CDH13: variants seen among roughly 807,000 people sequenced by gnomAD.
The protein encoded by CDH13 is cadherin 13, also known as cadherin-13.
In CDH13, 24 loss-of-function variants were observed where a neutral mutation model predicts 63.8. The ratio of observed to expected loss-of-function variants is 0.38; its 90% CI spans 0.27 to 0.53. The LOEUF (loss-of-function observed/expected upper bound fraction) is 0.53, where lower values mean the gene tolerates loss of function less well. Ranked by LOEUF, CDH13 falls within the 20% of genes least tolerant of loss-of-function variation. CDH13 has a pLI of 0.85. For missense variants in CDH13, 1,049 were observed against 903.1 expected (o/e 1.16, Z -2.07); for synonymous variants, 503 against 355.3 (o/e 1.42, Z -4.67).
At chr16:83,277,284 G>T (rs1422411009) in intron 5 of CDH13, among the ~76,000 whole-genome samples, 1 of 152,034 alleles carries the variant, frequency 6.6e-6, no homozygotes, top group Non-Finnish European at 1.5e-5. Flanking sequence ...ACCTTCTCAG[G>T]GCAGGCTGAA....
intron 11 of CDH13, among the ~76,000 whole-genome samples, chr16:83,774,959 A>G (rs576775358): frequency 1.3e-5 from 2 of 152,156 alleles, no homozygotes; most frequent in South Asian, 4.1e-4. Context: ...ATATTTCACC[A>G]CAATGAAAAG....
At position 82,839,442 on chromosome 16, in the gene CDH13, T is replaced by C. The variant is rs79386151; in HGVS notation, c.46-18920T>C. On this transcript the variant is annotated intron_variant, in intron 1 of 13. Transcript: ENST00000567109. ...CATCAATTTCCTGCTGGGATTAAGA[T>C]ACCTGGCAGTGCAGGGTTTCCTGGG... Among the ~76,000 whole-genome samples the C allele has an allele frequency of 1.5e-3, 226 of 152,300 alleles. 2 individuals carry two copies. The East Asian group carries it at 0.025, about 17-fold the overall frequency.
chr16:82,961,618 C>T (rs1907021627), intron 2 of CDH13, among the ~76,000 whole-genome samples: 1 of 150,414 alleles, frequency 6.6e-6, no homozygotes, highest in South Asian at 2.1e-4. Context: ...TGGGCCTTAC[C>T]CCAGACTAAC....
intron 1 of CDH13, among the ~76,000 whole-genome samples, chr16:82,655,304 A>T (rs1438980645): frequency 6.6e-6 from 1 of 152,200 alleles, no homozygotes; most frequent in Non-Finnish European, 1.5e-5. Flanking sequence ...TAAAAGGGTA[A>T]AGTGTGACGA....
chr16:83,339,720 C>G (rs920056323), intron 5 of CDH13, among the ~76,000 whole-genome samples: 2 of 152,264 alleles, frequency 1.3e-5, no homozygotes, highest in South Asian at 4.1e-4. Flanking sequence ...CCACCTCCAG[C>G]AATTCTCCCC....
intron 1 of CDH13, among the ~76,000 whole-genome samples, chr16:82,772,560 A>C (rs1033425285): frequency 3.3e-5 from 5 of 152,200 alleles, no homozygotes; most frequent in African/African-American, 1.2e-4. Flanking sequence ...GCAGAAAAAA[A>C]CCTAGAAATA....
At chr16:82,893,057 C>G (rs1373022147) in intron 2 of CDH13, among the ~76,000 whole-genome samples, 2 of 152,188 alleles carry the variant, frequency 1.3e-5, no homozygotes, top group African/African-American at 4.8e-5. Context: ...AAGATGAGGT[C>G]AGACATCAAA....
chr16:83,436,303 A>G (rs1259067841), intron 6 of CDH13, among the ~76,000 whole-genome samples: 1 of 152,160 alleles, frequency 6.6e-6, no homozygotes, highest in African/African-American at 2.4e-5. Flanking sequence ...GGAGCTTATA[A>G]TAATGCTTAT....
chr16:83,174,044 TG>T lies in CDH13; in HGVS notation c.484-43297del, dbSNP rs550736276. Reference sequence around the variant, plus strand: ...ACTCGAGGGAAAGGAGAGGGACTTATGGGGAACAGATGCAGATAAAACCCAA... The same window carrying T: ...ACTCGAGGGAAAGGAGAGGGACTTATGGGAACAGATGCAGATAAAACCCAA... On this transcript the variant is annotated intron_variant, in intron 4 of 13. Transcript: ENST00000567109. Among the ~76,000 whole-genome samples the T allele has an allele frequency of 2.3e-3, 342 of 151,568 alleles. 9 individuals carry two copies. The highest frequency in any genetic ancestry group is 4.3e-3 in the Non-Finnish European group (293 of 67,922).
chr16:83,220,841 A>G (rs1305702526), intron 5 of CDH13, among the ~76,000 whole-genome samples: 2 of 152,220 alleles, frequency 1.3e-5, no homozygotes, highest in African/African-American at 2.4e-5. Flanking sequence ...GATTTGTATG[A>G]TAAGAAATAA....
chr16:83,060,990 G>A (rs745911868), intron 3 of CDH13, among the ~76,000 whole-genome samples: 9 of 152,180 alleles, frequency 5.9e-5, no homozygotes, highest in African/African-American at 9.7e-5. Context: ...CTACACTCCT[G>A]CAGAGGGCCT....
At chr16:83,330,910 A>T (rs1470219635) in intron 5 of CDH13, among the ~76,000 whole-genome samples, 1 of 152,240 alleles carries the variant, frequency 6.6e-6, no homozygotes, top group Non-Finnish European at 1.5e-5. Context: ...CTTATCAGGA[A>T]CATAATGCGA....
chr16:83,593,477 A>G (rs1199986900), intron 7 of CDH13, among the ~76,000 whole-genome samples: 1 of 152,126 alleles, frequency 6.6e-6, no homozygotes, highest in East Asian at 1.9e-4. Flanking sequence ...AGGAGTAGTT[A>G]AACCACCAAA....
At chr16:83,420,671 C>A (rs999913380) in intron 6 of CDH13, among the ~76,000 whole-genome samples, 1 of 152,186 alleles carries the variant, frequency 6.6e-6, no homozygotes, top group Non-Finnish European at 1.5e-5. Context: ...AATTCACCCA[C>A]GTGATTACAA....
At chr16:83,132,216 C>G (rs2036084318) in intron 4 of CDH13, among the ~76,000 whole-genome samples, 1 of 152,098 alleles carries the variant, frequency 6.6e-6, no homozygotes, top group African/African-American at 2.4e-5. Context: ...AGCCCCAGCA[C>G]CTCTCCATCA....
intron 11 of CDH13, among the ~76,000 whole-genome samples, chr16:83,758,827 G>A (rs1316232859): frequency 6.6e-6 from 1 of 152,158 alleles, no homozygotes; most frequent in African/African-American, 2.4e-5. Context: ...AGAAAGATAT[G>A]CAAGTCCTCT....
intron 7 of CDH13, among the ~76,000 whole-genome samples, chr16:83,595,222 A>G (rs1598345852): frequency 6.6e-6 from 1 of 152,250 alleles, no homozygotes; most frequent in Non-Finnish European, 1.5e-5. Context: ...TCCGCAAAGT[A>G]TAAGTCATTC....
At chr16:83,486,133 ACT>A (rs1007246832) in intron 6 of CDH13, among the ~76,000 whole-genome samples, 3 of 151,714 alleles carry the variant, frequency 2.0e-5, no homozygotes, top group African/African-American at 7.3e-5. Context: ...ACAGAGCGAG[ACT>A]CTGTCTAAAA....
chr16:82,967,234 A>G (rs1444769199), intron 2 of CDH13, among the ~76,000 whole-genome samples: 3 of 151,204 alleles, frequency 2.0e-5, no homozygotes, highest in Non-Finnish European at 2.9e-5. Context: ...GCTTTACCCC[A>G]TCACATCCTC....
Sources: allele counts gnomAD v4.1 joint callset (sites outside exome capture counted in the v4.1 genomes callset), GRCh38; gene constraint gnomAD v4.1.1; transcripts MANE v1.5; gene names NCBI Gene and HGNC (gene_info 2026-07-23, HGNC 2026-07-21).